Variants in SGCD observed in about 807,000 individuals in gnomAD.
The protein encoded by SGCD is sarcoglycan delta, also known as delta-sarcoglycan.
In SGCD, 18 loss-of-function variants were observed where a neutral mutation model predicts 36.6. The observed-to-expected ratio is 0.49, with a 90% CI of 0.34 to 0.73. SGCD has a LOEUF of 0.73. Ranked by LOEUF, SGCD falls within the 30% of genes least tolerant of loss-of-function variation. The pLI, the probability that SGCD is intolerant of heterozygous loss-of-function variation, is 0.01. For synonymous variants in SGCD, 133 were observed against 130.6 expected, an observed-to-expected ratio of 1.02 and a Z score of -0.12; for missense variants, 387 against 346.7, an observed-to-expected ratio of 1.12 and a Z score of -0.92.
chr5:155,729,103 G>A, the SGCD span, among the ~76,000 whole-genome samples: 256 of 152,372 alleles, frequency 1.7e-3, 1 homozygote, highest in Middle Eastern at 0.01. Flanking sequence ...ATTGGCAGAG[G>A]AATGCAACAC....
Position 156,595,020 on chromosome 5 carries a change from G to A in SGCD, c.471G>A (p.Val157=). 6.2e-7 allele frequency: 1 copy of A among 1,611,540 alleles called. No homozygotes were observed. Among genetic ancestry groups the A allele is most frequent in the Middle Eastern group, 1.7e-4 (1 of 6,054 alleles). Reference sequence around the variant, plus strand: ...TCTTCTCTGCAGACAATAATGAAGTGGTAGTAGGAGCTGAAAGATTACGAG... The same window carrying A: ...TCTTCTCTGCAGACAATAATGAAGTAGTAGTAGGAGCTGAAAGATTACGAG... ...KLLFSADNNE[V]VVGAERLRVL... Residue 157 remains valine (V), a synonymous_variant, in exon 6 of 9, where the codon GTG becomes GTA. Transcript: ENST00000337851.
intron 3 of SGCD, among the ~76,000 whole-genome samples, chr5:156,424,653 A>C (rs192843961): frequency 6.6e-6 from 1 of 152,190 alleles, no homozygotes; most frequent in East Asian, 1.9e-4. Flanking sequence ...TAGGTATTTT[A>C]TGTCCTCAAG....
At chr5:155,823,989 C>A in the SGCD span, among the ~76,000 whole-genome samples, 8,168 of 152,124 alleles carry the variant, frequency 0.054, 500 homozygotes, top group African/African-American at 0.15. Flanking sequence ...TCTTGAGTCA[C>A]CAGGACCTGA....
At chr5:156,599,023 A>G (rs1761055326) in intron 6 of SGCD, among the ~76,000 whole-genome samples, 1 of 152,252 alleles carries the variant, frequency 6.6e-6, no homozygotes. Flanking sequence ...CAAAATAAAT[A>G]TCACTGCTGC....
At chr5:156,336,814 A>T (rs975672601) in intron 2 of SGCD, among the ~76,000 whole-genome samples, 1 of 152,204 alleles carries the variant, frequency 6.6e-6, no homozygotes, top group African/African-American at 2.4e-5. Flanking sequence ...AAATATATGC[A>T]CTTGTTGAAT....
At chr5:156,595,519 A>C (rs10515737) in intron 6 of SGCD, among the ~76,000 whole-genome samples, 3,795 of 152,300 alleles carry the variant, frequency 0.025, 159 homozygotes, top group East Asian at 0.17. Flanking sequence ...GGATTCTTTT[A>C]AAGCAAGGCA....
intron 3 of SGCD, among the ~76,000 whole-genome samples, chr5:156,487,788 C>CAAAAAAAAAAAAAAAAAAAAA (rs56006984): frequency 4.8e-5 from 2 of 41,380 alleles, no homozygotes; most frequent in Non-Finnish European, 1.1e-4. Context: ...ACTCTGTCAC[C>CAAAAAAAAAAAAAAAAAAAAA]AAAAAAAAAA....
At chr5:155,844,972 C>T in the SGCD span, among the ~76,000 whole-genome samples, 6 of 152,220 alleles carry the variant, frequency 3.9e-5, no homozygotes, top group Admixed American at 2.6e-4. Flanking sequence ...TGGTTTGCTG[C>T]ACCCATCAAC....
the SGCD span, among the ~76,000 whole-genome samples, chr5:155,787,351 T>G: frequency 5.6e-4 from 86 of 152,280 alleles, no homozygotes; most frequent in Non-Finnish European, 2.9e-5. Context: ...GGAGATTAAC[T>G]GTGAAATAAA....
At chr5:156,068,764 C>T (rs1760426843) in intron 1 of SGCD, among the ~76,000 whole-genome samples, 1 of 151,726 alleles carries the variant, frequency 6.6e-6, no homozygotes, top group Non-Finnish European at 1.5e-5. Flanking sequence ...TCCTATTTCT[C>T]CACATCCTCT....
rs72798965 is a variant in SGCD, at chr5:156,388,491, A to G, written c.192+43814A>G. 7.5e-3 allele frequency among the ~76,000 whole-genome samples: 1,135 copies of G among 152,336 alleles called. 9 individuals are homozygous for G. Among genetic ancestry groups the G allele is most frequent in the Non-Finnish European group, 0.012 (818 of 68,030 alleles). ...TGTTATTTCATTTGCAAGGGCCTGA[A>G]GGTATCATTTAATTTAAAGCACAAT... On this transcript the variant is annotated intron_variant, in intron 3 of 8. Coordinates refer to ENST00000337851, the MANE Select transcript of SGCD (RefSeq NM_000337.6).
At chr5:156,744,233 C>T (rs1050595735) in intron 7 of SGCD, among the ~76,000 whole-genome samples, 1 of 152,168 alleles carries the variant, frequency 6.6e-6, no homozygotes, top group Non-Finnish European at 1.5e-5. Context: ...CAACATTTCC[C>T]AAAATCCTTC....
chr5:156,535,347 A>G (rs2113121227), intron 4 of SGCD, among the ~76,000 whole-genome samples: 1 of 152,354 alleles, frequency 6.6e-6, no homozygotes, highest in South Asian at 2.1e-4. Context: ...ATGAAATTAA[A>G]AAGCTTACAA....
At chr5:155,812,831 G>A in the SGCD span, among the ~76,000 whole-genome samples, 1 of 152,088 alleles carries the variant, frequency 6.6e-6, no homozygotes, top group Admixed American at 6.6e-5. Context: ...ATAAAGTTAA[G>A]TAACCTTCCC....
chr5:156,428,480 A>G (rs1319473695), intron 3 of SGCD, among the ~76,000 whole-genome samples: 1 of 151,996 alleles, frequency 6.6e-6, no homozygotes, highest in Non-Finnish European at 1.5e-5. Context: ...GTATCTTTTC[A>G]AAGAACCAGC....
intron 3 of SGCD, among the ~76,000 whole-genome samples, chr5:156,237,062 T>C (rs1318617948): frequency 6.7e-6 from 1 of 150,302 alleles, no homozygotes; most frequent in African/African-American, 2.4e-5. Flanking sequence ...CTTGAACCCC[T>C]GACCTCAGTT....
At position 156,740,209 on chromosome 5, in the gene SGCD, C is replaced by CGTTA. The variant is rs1462437456; in HGVS notation, c.576-17371_576-17368dup. Among the ~76,000 whole-genome samples, 24 of 152,236 alleles carry CGTTA rather than the reference C, an allele frequency of 1.6e-4. No individual in the cohort carries two copies. In the East Asian group the frequency reaches 4.4e-3, roughly 28 times the overall value. On this transcript the variant is annotated intron_variant, in intron 7 of 8. Transcript: ENST00000337851. ...TGCCTGGCATTAAAATCTCACTCAC[C>CGTTA]GTTACTTCAAATGTCCCATTACATT...
At chr5:156,339,060 T>A (rs1188946635) in intron 2 of SGCD, among the ~76,000 whole-genome samples, 1 of 152,222 alleles carries the variant, frequency 6.6e-6, no homozygotes, top group Non-Finnish European at 1.5e-5. Context: ...CATGCTTTAG[T>A]AATATGACCA....
chr5:156,153,491 C>G (rs1337592971), intron 3 of SGCD, among the ~76,000 whole-genome samples: 1 of 151,716 alleles, frequency 6.6e-6, no homozygotes, highest in African/African-American at 2.4e-5. Context: ...TGAAATCCTG[C>G]TCTTTAAGGG....
Sources: gnomAD v4.1 joint callset for allele counts (sites outside exome capture counted in the v4.1 genomes callset) on GRCh38, gnomAD v4.1.1 for gene constraint, MANE v1.5 for transcripts, NCBI Gene and HGNC (gene_info 2026-07-23, HGNC 2026-07-21) for gene names.